Variants in PLPP1 observed in about 807,000 individuals in gnomAD.
The protein encoded by PLPP1 is phospholipid phosphatase 1, also known as lipid phosphate phosphohydrolase 1a.
A neutral mutation model predicts 31.2 loss-of-function variants in PLPP1; 24 were observed. The ratio of observed to expected loss-of-function variants is 0.77; its 90% CI spans 0.56 to 1.08. The LOEUF (loss-of-function observed/expected upper bound fraction) is 1.08, where lower values mean the gene tolerates loss of function less well. PLPP1 is among the 50% of genes least tolerant of loss of function. The probability of loss-of-function intolerance (pLI) is 0.00; values close to 1 mark genes in which losing one functional copy is unlikely to be tolerated. For missense variants in PLPP1, 319 were observed against 342.7 expected (o/e 0.93, Z 0.55); for synonymous variants, 146 against 126.3 (o/e 1.16, Z -1.05).
chr5:55,505,352 G>C (rs1753250887), intron 1 of PLPP1, among the ~76,000 whole-genome samples: 1 of 151,786 alleles, frequency 6.6e-6, no homozygotes, highest in Non-Finnish European at 1.5e-5. Context: ...CCAACACTTT[G>C]GAAGGCCAAG....
At chr5:55,534,245 A>G (rs1222857943) in intron 1 of PLPP1, among the ~76,000 whole-genome samples, 1 of 152,080 alleles carries the variant, frequency 6.6e-6, no homozygotes, top group East Asian at 1.9e-4. Flanking sequence ...AGGCTCCTCT[A>G]CCGTACAGAG....
At chr5:55,451,685 C>T (rs1751896228) in intron 3 of PLPP1, among the ~76,000 whole-genome samples, 1 of 152,160 alleles carries the variant, frequency 6.6e-6, no homozygotes. Flanking sequence ...CCTCAGCCTC[C>T]TGAGTAGCTG....
intron 1 of PLPP1, chr5:55,508,733 T>C (rs188669131): frequency 6.8e-4 from 105 of 154,044 alleles, no homozygotes; most frequent in African/African-American, 2.3e-3. Context: ...TGAGGTATCA[T>C]AGGGAGGTCC....
chr5:55,479,890 T>C (rs912357365), intron 1 of PLPP1, among the ~76,000 whole-genome samples: 2 of 152,218 alleles, frequency 1.3e-5, no homozygotes, highest in African/African-American at 2.4e-5. Context: ...ATAGTGAACA[T>C]TTCTGAATAC....
At chr5:55,454,380 A>G (rs1440929746) in intron 3 of PLPP1, among the ~76,000 whole-genome samples, 1 of 152,210 alleles carries the variant, frequency 6.6e-6, no homozygotes, top group Non-Finnish European at 1.5e-5. Flanking sequence ...GAAATTCTGT[A>G]TCAACAAAAG....
At chr5:55,512,569 AAAG>A (rs1475227166) in intron 1 of PLPP1, among the ~76,000 whole-genome samples, 1 of 148,844 alleles carries the variant, frequency 6.7e-6, no homozygotes, top group Non-Finnish European at 1.5e-5. Context: ...AGAAAGAAAG[AAAG>A]AAAGGTAACA....
chr5:55,526,635 G>A (rs890984906), intron 1 of PLPP1, among the ~76,000 whole-genome samples: 3 of 152,076 alleles, frequency 2.0e-5, no homozygotes, highest in Admixed American at 6.5e-5. Flanking sequence ...TTTCCTAATA[G>A]AAGTTAAATA....
chr5:55,491,181 T>C, intron 1 of PLPP1: 1 of 1,517,136 alleles, frequency 6.6e-7, no homozygotes, highest in Non-Finnish European at 8.9e-7. Context: ...AAGTAAAGTC[T>C]ACTGAATGGG....
At chr5:55,488,381 C>T (rs1230358958) in intron 1 of PLPP1, among the ~76,000 whole-genome samples, 4 of 152,070 alleles carry the variant, frequency 2.6e-5, no homozygotes, top group African/African-American at 7.2e-5. Context: ...TGTGGTGGCT[C>T]ATGCCTGTAA....
chr5:55,455,541 C>T (rs1458460212), intron 3 of PLPP1, among the ~76,000 whole-genome samples: 1 of 152,178 alleles, frequency 6.6e-6, no homozygotes. Flanking sequence ...AGATTGGTTG[C>T]ACCCGGGAGG....
intron 1 of PLPP1, among the ~76,000 whole-genome samples, chr5:55,483,320 G>C (rs1752708207): frequency 1.3e-5 from 2 of 152,100 alleles, no homozygotes; most frequent in Non-Finnish European, 2.9e-5. Flanking sequence ...ACAAAAGCTA[G>C]ACATTTTTCA....
At chr5:55,507,406 T>C (rs1579973520) in intron 1 of PLPP1, among the ~76,000 whole-genome samples, 1 of 152,118 alleles carries the variant, frequency 6.6e-6, no homozygotes, top group African/African-American at 2.4e-5. Flanking sequence ...AAAAGTGGCA[T>C]GAGCCATAAT....
chr5:55,529,401 TA>T (rs1740578730), intron 1 of PLPP1, among the ~76,000 whole-genome samples: 1 of 152,134 alleles, frequency 6.6e-6, no homozygotes, highest in South Asian at 2.1e-4. Context: ...TCAACTTAGT[TA>T]ATCAGAAATA....
chr5:55,443,458 A>G (rs1351779941), intron 3 of PLPP1, among the ~76,000 whole-genome samples: 1 of 152,140 alleles, frequency 6.6e-6, no homozygotes, highest in Non-Finnish European at 1.5e-5. Context: ...AAATCAGATA[A>G]TTAGAGCACA....
At chr5:55,532,563 T>C (rs1740708748) in intron 1 of PLPP1, among the ~76,000 whole-genome samples, 1 of 152,242 alleles carries the variant, frequency 6.6e-6, no homozygotes, top group Non-Finnish European at 1.5e-5. Context: ...AATATATTTT[T>C]TAATGTAACA....
Position 55,534,678 on chromosome 5 carries a change from C to T in PLPP1, c.-49G>A. On this transcript the variant is annotated 5_prime_UTR_variant, in exon 1 of 6. Coordinates refer to ENST00000307259, the MANE Select transcript of PLPP1 (RefSeq NM_003711.4). The stretch of plus-strand genomic sequence containing the variant: ...AAGGGCGATGGACTGAGCTGCGGGA[C>T]GGCGGCCGAGGCCCTTGATTCTCGA... 1 of 1,506,772 alleles carries T rather than the reference C, an allele frequency of 6.6e-7. No homozygotes were observed. The highest frequency in any genetic ancestry group is 1.2e-5 in the South Asian group (1 of 80,342). 93.3% of individuals were successfully genotyped at this position (1,506,772 alleles called of 1,614,324 possible).
intron 3 of PLPP1, among the ~76,000 whole-genome samples, chr5:55,446,947 CAG>C (rs1219809714): frequency 2.0e-5 from 3 of 152,190 alleles, no homozygotes. Flanking sequence ...CAGGAACCGG[CAG>C]ATACTTTCAA....
At chr5:55,453,927 C>G (rs978231034) in intron 3 of PLPP1, among the ~76,000 whole-genome samples, 1 of 151,994 alleles carries the variant, frequency 6.6e-6, no homozygotes, top group Admixed American at 6.6e-5. Flanking sequence ...GCCAACAGAG[C>G]AAGACTCTGT....
intron 1 of PLPP1, among the ~76,000 whole-genome samples, chr5:55,493,324 A>G (rs1273068978): frequency 6.6e-6 from 1 of 151,966 alleles, no homozygotes; most frequent in Non-Finnish European, 1.5e-5. Flanking sequence ...CAAAAAAAAA[A>G]AAAAGAAGAA....
Sources: allele counts gnomAD v4.1 joint callset (sites outside exome capture counted in the v4.1 genomes callset), GRCh38; gene constraint gnomAD v4.1.1; transcripts MANE v1.5; gene names NCBI Gene and HGNC (gene_info 2026-07-23, HGNC 2026-07-21).